MELTF: variants seen among roughly 807,000 people sequenced by gnomAD.
MELTF encodes the protein melanotransferrin.
Under a neutral mutation model 83.7 loss-of-function variants are expected in MELTF, and 67 were observed. The observed-to-expected ratio is 0.80, with a 90% CI of 0.66 to 0.98. MELTF has a LOEUF of 0.98. MELTF is among the 50% of genes least tolerant of loss of function. MELTF has a pLI of 0.00. For missense variants in MELTF, 1,002 were observed against 1,035.6 expected, an observed-to-expected ratio of 0.97 and a Z score of 0.44; for synonymous variants, 462 against 447.6, an observed-to-expected ratio of 1.03 and a Z score of -0.41.
intron 10 of MELTF, 144 bp from the exon 11 acceptor site, chr3:197,009,956 G>A (rs1269683446): frequency 2.6e-6 from 2 of 775,906 alleles, no homozygotes; most frequent in Non-Finnish European, 4.1e-6. Flanking sequence ...TGAGGCCAGG[G>A]TGTTCTGGGA....
In MELTF at chr3:197,023,105, C is replaced by T. The variant is rs772324899; in HGVS notation, c.496G>A (p.Asp166Asn). ...MGCDVLKAVS[D>N]YFGGSCVPGA... ...GGGACGCAGCTGCCCCCAAAATAGT[C>T]GCTGACAGCTGTGGGAAGGAGGTAG... Residue 166 changes from aspartate (D) to asparagine (N), a missense_variant, in exon 5 of 16, where the codon GAC becomes AAC. By Grantham distance (23) the Asp-to-Asn change is conservative. Coordinates refer to ENST00000296350, the MANE Select transcript of MELTF (RefSeq NM_005929.6). The T allele has an allele frequency of 8.7e-6, 14 of 1,613,502 alleles. No individual in the cohort carries two copies. Among genetic ancestry groups the T allele is most frequent in the Admixed American group, 1.7e-5 (1 of 59,978 alleles).
In MELTF at chr3:197,003,507, A is replaced by T; in HGVS notation, c.2138-56T>A. On this transcript the variant is annotated intron_variant, in intron 15 of 15. Transcript: ENST00000296350. The surrounding 1 kb of genome is among the most constrained non-coding windows in gnomAD (Gnocchi z 6.2). Reference sequence around the variant, plus strand: ...AAGCCCGGGCCGCGGTGGCCGCCTCAGGCGCCCGCTCTGGGGTGGGGGTGG... The same window carrying T: ...AAGCCCGGGCCGCGGTGGCCGCCTCTGGCGCCCGCTCTGGGGTGGGGGTGG... 7 of 271,706 alleles carry T rather than the reference A, an allele frequency of 2.6e-5. No individual in the cohort carries two copies. Among genetic ancestry groups the T allele is most frequent in the African/African-American group, 3.2e-5 (1 of 31,154 alleles). 16.8% of individuals were successfully genotyped at this position (271,706 alleles called of 1,614,324 possible).
intron 11 of MELTF, among the ~76,000 whole-genome samples, chr3:197,009,348 T>C (rs1473238704): frequency 6.6e-6 from 1 of 152,146 alleles, no homozygotes; most frequent in Non-Finnish European, 1.5e-5. Flanking sequence ...GCTTGTATGT[T>C]TTCTGAGTTA....
rs1229506906 is a variant in MELTF, at chr3:197,009,600, C to T, written c.1525+18G>A. On this transcript the variant is annotated intron_variant, in intron 11 of 15. Coordinates refer to ENST00000296350, the MANE Select transcript of MELTF (RefSeq NM_005929.6). ...GAGAAGGCTTCCCCAGTCTGCGTTCCTAAAAAGGGGGGGGTACCTGTGAGG... is the reference window on the plus strand; with the variant it reads ...GAGAAGGCTTCCCCAGTCTGCGTTCTTAAAAAGGGGGGGGTACCTGTGAGG... The T allele has an allele frequency of 6.3e-7, 1 of 1,594,284 alleles. No homozygotes were observed. The highest frequency in any genetic ancestry group is 1.3e-5 in the African/African-American group (1 of 74,598).
chr3:197,029,284 G>A lies in MELTF; in HGVS notation c.49+370C>T, dbSNP rs1176147221. The stretch of plus-strand genomic sequence containing the variant: ...CTGAATCTTCTCCCGCGGGGGCTCG[G>A]GAGAAAGAGCTGCTCCGAGCCCCCA... On this transcript the variant is annotated intron_variant, in intron 1 of 15. Transcript: ENST00000296350. This position sits in a 1 kb window ranked among gnomAD's most constrained non-coding sequence, Gnocchi z 6.5. 4.9e-6 allele frequency: 1 copy of A among 204,332 alleles called. No individual in the cohort carries two copies. Among genetic ancestry groups the A allele is most frequent in the Non-Finnish European group, 9.8e-6 (1 of 102,314 alleles). 12.7% of individuals were successfully genotyped at this position (204,332 alleles called of 1,614,324 possible).
chr3:197,003,335 G>T lies in MELTF; in HGVS notation c.*37C>A, dbSNP rs1431996976. On this transcript the variant is annotated 3_prime_UTR_variant, in exon 16 of 16. Transcript: ENST00000296350. This position sits in a 1 kb window ranked among gnomAD's most constrained non-coding sequence, Gnocchi z 6.2. ...CGCGAAGCCGCCGCGGAAACTCCCC[G>T]GGCGGGCATCGGAGCTCTGGGGCGG... 3.8e-6 allele frequency: 4 copies of T among 1,042,114 alleles called. No homozygotes were observed. Among genetic ancestry groups the T allele is most frequent in the Non-Finnish European group, 4.6e-6 (4 of 869,466 alleles). The allele number at this position is 1,042,114 out of a possible 1,614,324, so 64.6% of individuals were successfully genotyped here.
At chr3:197,023,983 A>G in intron 4 of MELTF, 1 of 582,728 alleles carries the variant, frequency 1.7e-6, no homozygotes, top group Non-Finnish European at 3.2e-6. Flanking sequence ...CGCCCGGTCT[A>G]TACTGGTGGG....
Position 197,007,020 on chromosome 3 carries a change from A to G in MELTF, c.1751-284T>C, listed in dbSNP as rs2108955579. 6.6e-6 allele frequency among the ~76,000 whole-genome samples: 1 copy of G among 152,316 alleles called. No homozygotes were observed. The highest frequency in any genetic ancestry group is 2.4e-5 in the African/African-American group (1 of 41,564). ...CGCGTTGCTTGATCCCCACAACAGT[A>G]ACGCAGGGTAGGTGTTTTTGTCCCC... On this transcript the variant is annotated intron_variant, in intron 13 of 15. Coordinates refer to ENST00000296350, the MANE Select transcript of MELTF (RefSeq NM_005929.6). This position sits in a 1 kb window ranked among gnomAD's most constrained non-coding sequence, Gnocchi z 4.3.
At position 197,016,238 on chromosome 3, in the gene MELTF, C is replaced by G; in HGVS notation, c.1032G>C (p.Leu344=). 6.2e-7 allele frequency: 1 copy of G among 1,602,922 alleles called. No individual in the cohort carries two copies. Among genetic ancestry groups the G allele is most frequent in the Non-Finnish European group, 8.5e-7 (1 of 1,174,770 alleles). ...TCATGGCGTGCAGGTACTCATGGCC[C>G]AGCCACGCCTCATAGGTCTGTGTGG... ...PIATQTYEAW[L]GHEYLHAMKG... The change falls in exon 8 of 16, where the codon CTG becomes CTC. Residue 344 remains leucine, a synonymous_variant. Transcript: ENST00000296350.
rs756445772 is a variant in MELTF at position 197,008,947 on chromosome 3, T to C, written c.1544A>G (p.Asn515Ser). 2.2e-5 allele frequency: 35 copies of C among 1,613,830 alleles called. No homozygotes were observed. Among genetic ancestry groups the C allele is most frequent in the South Asian group, 1.5e-4 (14 of 91,086 alleles). Residue 515 changes from asparagine to serine, a missense_variant, in exon 12 of 16, where the codon AAT (asparagine) becomes AGT (serine). Coordinates refer to ENST00000296350, the MANE Select transcript of MELTF (RefSeq NM_005929.6). This position sits in a 1 kb window ranked among gnomAD's most constrained non-coding sequence, Gnocchi z 5.4. ...DVLTAVSEFF[N>S]ASCVPVNNPK... ...GTTGTTCACGGGCACGCAGCTGGCA[T>C]TGAAGAACTCGCTCACTGCTGGGGT...
chr3:197,020,723 C>T (rs924599223), intron 6 of MELTF, among the ~76,000 whole-genome samples: 1 of 151,886 alleles, frequency 6.6e-6, no homozygotes, highest in Non-Finnish European at 1.5e-5. Flanking sequence ...GGCTGGAGTG[C>T]AGTGGTGTGA....
chr3:197,027,917 GC>G lies in MELTF; in HGVS notation c.50-8del, dbSNP rs1719930247. 2 of 1,569,874 alleles carry G rather than the reference GC, an allele frequency of 1.3e-6. No homozygotes were observed. Among genetic ancestry groups the G allele is most frequent in the Non-Finnish European group, 1.7e-6 (2 of 1,157,880 alleles). On this transcript the variant is annotated splice_polypyrimidine_tract_variant and splice_region_variant and intron_variant, in intron 1 of 15. Coordinates refer to ENST00000296350, the MANE Select transcript of MELTF (RefSeq NM_005929.6). Reference sequence around the variant, plus strand: ...ACCTCCATGCCACCGAGCACTGCGGGCAGGGGACCGTGAGGCCCGGCTCCCC... The same window carrying G: ...ACCTCCATGCCACCGAGCACTGCGGGAGGGGACCGTGAGGCCCGGCTCCCC...
intron 9 of MELTF, among the ~76,000 whole-genome samples, chr3:197,014,383 GT>G (rs71623319): frequency 1.2e-3 from 125 of 101,050 alleles, no homozygotes; most frequent in Middle Eastern, 7.8e-3. Flanking sequence ...AATAGGGAGA[GT>G]TTTTTTTTTT....
intron 4 of MELTF, among the ~76,000 whole-genome samples, chr3:197,023,619 T>C (rs899096047): frequency 1.3e-5 from 2 of 152,138 alleles, no homozygotes; most frequent in Admixed American, 1.3e-4. Context: ...CCCACAAGTA[T>C]TTATCCTGTG....
chr3:197,007,010 C>T lies in MELTF; in HGVS notation c.1751-274G>A, dbSNP rs1161773938. On this transcript the variant is annotated intron_variant, in intron 13 of 15. Transcript: ENST00000296350. The surrounding 1 kb of genome is among the most constrained non-coding windows in gnomAD (Gnocchi z 4.3). Reference sequence around the variant, plus strand: ...GTACTTTACACGCGTTGCTTGATCCCCACAACAGTAACGCAGGGTAGGTGT... The same window carrying T: ...GTACTTTACACGCGTTGCTTGATCCTCACAACAGTAACGCAGGGTAGGTGT... Among the ~76,000 whole-genome samples, 1 of 152,118 alleles carries T rather than the reference C, an allele frequency of 6.6e-6. No homozygotes were observed. Among genetic ancestry groups the T allele is most frequent in the Non-Finnish European group, 1.5e-5 (1 of 68,012 alleles).
intron 6 of MELTF, chr3:197,019,852 A>T: frequency 1.3e-6 from 2 of 1,520,466 alleles, no homozygotes; most frequent in Non-Finnish European, 1.8e-6. Context: ...AATGATTTAA[A>T]AAAAAAACCC....
chr3:197,024,295 G>GC lies in MELTF; in HGVS notation c.487+7dup. 6.4e-7 allele frequency: 1 copy of GC among 1,551,776 alleles called. No homozygotes were observed. The highest frequency in any genetic ancestry group is 8.7e-7 in the Non-Finnish European group (1 of 1,145,228). On this transcript the variant is annotated splice_region_variant and intron_variant, in intron 4 of 15. Transcript: ENST00000296350. The surrounding 1 kb of genome is among the most constrained non-coding windows in gnomAD (Gnocchi z 5.3). ...TGGGGACCCTCCTGCCCAGCCCAAA[G>GC]CCCTCACCTTTGAGTACATCGCAGC...
Position 197,008,583 on chromosome 3 carries a change from G to T in MELTF, c.1750+74C>A. On this transcript the variant is annotated intron_variant, in intron 13 of 15. Coordinates refer to ENST00000296350, the MANE Select transcript of MELTF (RefSeq NM_005929.6). This position sits in a 1 kb window ranked among gnomAD's most constrained non-coding sequence, Gnocchi z 5.4. ...CTGCTGCTTGGCCCCAGCCCAGCATGGTGTCTGGATGGTGCTGAAGATGGG... is the reference window on the plus strand; with the variant it reads ...CTGCTGCTTGGCCCCAGCCCAGCATTGTGTCTGGATGGTGCTGAAGATGGG... The T allele has an allele frequency of 6.7e-7, 1 of 1,496,530 alleles. No homozygotes were observed. Among genetic ancestry groups the T allele is most frequent in the Non-Finnish European group, 9.2e-7 (1 of 1,091,384 alleles). 92.7% of individuals were successfully genotyped at this position (1,496,530 alleles called of 1,614,324 possible).
Position 197,022,957 on chromosome 3 carries a change from C to T in MELTF, c.644G>A (p.Arg215Gln), listed in dbSNP as rs202241938. ...CCCTCCCTGCCCCCACTCCGCTCAC[C>T]GGAAGGCCCCGCTGTAGTCGTAGTA... ...ERYYDYSGAF[R>Q]CLAEGAGDVA... The change falls in exon 5 of 16, where the codon CGG becomes CAG. Residue 215 changes from arginine to glutamine, a missense_variant and splice_region_variant. Coordinates refer to ENST00000296350, the MANE Select transcript of MELTF (RefSeq NM_005929.6). The surrounding 1 kb of genome is among the most constrained non-coding windows in gnomAD (Gnocchi z 5.1). 75 of 1,605,660 alleles carry T rather than the reference C, an allele frequency of 4.7e-5. 2 individuals are homozygous for T. Among genetic ancestry groups the T allele is most frequent in the Middle Eastern group, 1.8e-4 (1 of 5,574 alleles).
Sources: allele counts gnomAD v4.1 joint callset (sites outside exome capture counted in the v4.1 genomes callset), GRCh38; gene constraint gnomAD v4.1.1; non-coding constraint Gnocchi (gnomAD v3.1); transcripts MANE v1.5; gene names NCBI Gene and HGNC (gene_info 2026-07-23, HGNC 2026-07-21).